Variants in LUZP2 observed in about 807,000 individuals in gnomAD.
LUZP2 encodes leucine zipper protein 2.
Under a neutral mutation model 51.6 loss-of-function variants are expected in LUZP2, and 52 were observed. The observed-to-expected ratio is 1.01, with a 90% CI of 0.81 to 1.27. The LOEUF is 1.27. Ranked by LOEUF, LUZP2 falls within the 50% of genes most tolerant of loss-of-function variation. LUZP2 has a pLI of 0.00. For synonymous variants in LUZP2, 154 were observed against 137.3 expected, an observed-to-expected ratio of 1.12 and a Z score of -0.85; for missense variants, 436 against 395.4, an observed-to-expected ratio of 1.10 and a Z score of -0.87.
In LUZP2 at chr11:24,961,674, T is replaced by A. The variant is rs995051765; in HGVS notation, c.523-14917T>A. The stretch of plus-strand genomic sequence containing the variant: ...GTGAGATGGGTTTCCTGATTATAGC[T>A]CATTGATGGGTCTTGACTCTTTATC... On this transcript the variant is annotated intron_variant, in intron 7 of 11. Transcript: ENST00000336930. 1.8e-4 allele frequency among the ~76,000 whole-genome samples: 28 copies of A among 152,292 alleles called. 1 individual carries two copies. Among genetic ancestry groups the A allele is most frequent in the African/African-American group, 6.7e-4 (28 of 41,574 alleles).
chr11:24,529,212 T>C (rs1195756727), intron 1 of LUZP2, among the ~76,000 whole-genome samples: 1 of 151,208 alleles, frequency 6.6e-6, no homozygotes, highest in African/African-American at 2.4e-5. Flanking sequence ...GTTTTGATCA[T>C]TTTGTCTTTA....
chr11:24,856,933 A>G (rs1851584882), intron 5 of LUZP2, among the ~76,000 whole-genome samples: 1 of 152,020 alleles, frequency 6.6e-6, no homozygotes, highest in East Asian at 1.9e-4. Context: ...GTAGAGACTC[A>G]GAAGGGTGGG....
intron 1 of LUZP2, among the ~76,000 whole-genome samples, chr11:24,580,257 A>G (rs1369101243): frequency 6.6e-6 from 1 of 152,114 alleles, no homozygotes; most frequent in Non-Finnish European, 1.5e-5. Flanking sequence ...AGATTTTATT[A>G]CATTCTGGTG....
At chr11:24,921,799 G>T (rs1366189533) in intron 7 of LUZP2, among the ~76,000 whole-genome samples, 1 of 152,074 alleles carries the variant, frequency 6.6e-6, no homozygotes, top group Non-Finnish European at 1.5e-5. Context: ...TTTGGTGTCC[G>T]TGGAGTTCCT....
intron 1 of LUZP2, among the ~76,000 whole-genome samples, chr11:24,711,123 T>C (rs1379474288): frequency 6.6e-6 from 1 of 152,118 alleles, no homozygotes; most frequent in Non-Finnish European, 1.5e-5. Context: ...AGAATTCCAA[T>C]TCCATGTTTA....
rs975435900 is a variant in LUZP2, at chr11:24,714,285, C to A, written c.63-14884C>A. ...GTAACAAACCTGCATGTTCTCTATCCCAGATTTTCAAGTAAATAAAGTAAA... is the reference window on the plus strand; with the variant it reads ...GTAACAAACCTGCATGTTCTCTATCACAGATTTTCAAGTAAATAAAGTAAA... On this transcript the variant is annotated intron_variant, in intron 1 of 11. Coordinates refer to ENST00000336930, the MANE Select transcript of LUZP2 (RefSeq NM_001009909.4). Among the ~76,000 whole-genome samples the A allele has an allele frequency of 2.6e-5, 4 of 151,718 alleles. No homozygotes were observed. In the South Asian group the frequency reaches 6.3e-4, roughly 24 times the overall value.
At chr11:24,502,149 A>C (rs970436550) in intron 1 of LUZP2, among the ~76,000 whole-genome samples, 2 of 151,770 alleles carry the variant, frequency 1.3e-5, no homozygotes, top group South Asian at 4.1e-4. Flanking sequence ...AACAAAGGTT[A>C]GCCTGTACAG....
At chr11:24,973,371 T>TTTTTG (rs1342580522) in intron 7 of LUZP2, among the ~76,000 whole-genome samples, 1 of 148,662 alleles carries the variant, frequency 6.7e-6, no homozygotes, top group Non-Finnish European at 1.5e-5. Flanking sequence ...TTAGTTTTTT[T>TTTTTG]TTTTTTTTTC....
intron 1 of LUZP2, among the ~76,000 whole-genome samples, chr11:24,586,504 T>A (rs189728801): frequency 1.3e-4 from 18 of 133,796 alleles, no homozygotes; most frequent in African/African-American, 4.2e-4. Flanking sequence ...TCAGATCACC[T>A]CCCAATCAAC....
chr11:24,794,583 A>G (rs1200107540), intron 5 of LUZP2, among the ~76,000 whole-genome samples: 2 of 152,192 alleles, frequency 1.3e-5, no homozygotes, highest in Admixed American at 1.3e-4. Flanking sequence ...ATATTTTGAT[A>G]TCTGACACTT....
At chr11:24,763,368 C>A in intron 5 of LUZP2, 60 bp downstream of exon 5, 1 of 776,010 alleles carries the variant, frequency 1.3e-6, no homozygotes, top group Non-Finnish European at 1.9e-6. Flanking sequence ...CATAAATGCA[C>A]ATATAAAGTT....
At chr11:24,892,222 C>T (rs1266562788) in intron 5 of LUZP2, 1 of 985,362 alleles carries the variant, frequency 1.0e-6, no homozygotes, top group Non-Finnish European at 1.2e-6. Context: ...ATGTGTATTT[C>T]TCCCAGATTC....
chr11:25,041,183 A>G (rs1272472645), intron 9 of LUZP2, among the ~76,000 whole-genome samples: 2 of 152,106 alleles, frequency 1.3e-5, no homozygotes, highest in Admixed American at 6.6e-5. Context: ...CCTTGACTGG[A>G]TGCCTGAAAC....
chr11:24,962,435 C>A (rs1320610304), intron 7 of LUZP2, among the ~76,000 whole-genome samples: 1 of 152,156 alleles, frequency 6.6e-6, no homozygotes, highest in Non-Finnish European at 1.5e-5. Context: ...TTCACATAGT[C>A]CCATATTTCT....
At chr11:25,003,704 G>C (rs1856757385) in intron 9 of LUZP2, among the ~76,000 whole-genome samples, 1 of 152,122 alleles carries the variant, frequency 6.6e-6, no homozygotes, top group Non-Finnish European at 1.5e-5. Flanking sequence ...GCCTGATTTT[G>C]ACTGGGCAGG....
chr11:25,030,935 A>G (rs1173155631), intron 9 of LUZP2, among the ~76,000 whole-genome samples: 1 of 1,344 alleles, frequency 7.4e-4, no homozygotes, highest in East Asian at 0.031. Flanking sequence ...TATATAATAT[A>G]TATTATATAT....
Position 24,864,941 on chromosome 11 carries a change from C to T in LUZP2, c.397-41050C>T, listed in dbSNP as rs111406031. Among the ~76,000 whole-genome samples, 1,070 of 152,292 alleles carry T rather than the reference C, an allele frequency of 7.0e-3. 13 individuals carry two copies. Among genetic ancestry groups the T allele is most frequent in the African/African-American group, 0.024 (1,011 of 41,560 alleles). On this transcript the variant is annotated intron_variant, in intron 5 of 11. Coordinates refer to ENST00000336930, the MANE Select transcript of LUZP2 (RefSeq NM_001009909.4). ...ATGTTCTCATAATTGTAGGTTTATT[C>T]AGCATCTCACAATTGCATATCGGTA...
At chr11:24,505,363 A>G (rs963849460) in intron 1 of LUZP2, among the ~76,000 whole-genome samples, 4 of 152,164 alleles carry the variant, frequency 2.6e-5, no homozygotes, top group African/African-American at 9.7e-5. Flanking sequence ...ATCCAAGCTC[A>G]AACGGAGACT....
intron 1 of LUZP2, among the ~76,000 whole-genome samples, chr11:24,702,665 CTAA>C (rs981301348): frequency 1.3e-5 from 2 of 152,148 alleles, no homozygotes; most frequent in African/African-American, 4.8e-5. Flanking sequence ...CTCCTACAAA[CTAA>C]TACCTCCCAT....
Sources: gnomAD v4.1 joint callset for allele counts (sites outside exome capture counted in the v4.1 genomes callset) on GRCh38, gnomAD v4.1.1 for gene constraint, MANE v1.5 for transcripts, NCBI Gene and HGNC (gene_info 2026-07-23, HGNC 2026-07-21) for gene names.